Variants in PUDP observed in about 807,000 individuals in gnomAD.
PUDP encodes the protein pseudouridine-5'-phosphatase.
Under a neutral mutation model 9.4 loss-of-function variants are expected in PUDP, and 8 were observed. The observed-to-expected ratio is 0.85, with a 90% CI of 0.50 to 1.53. The LOEUF is 1.53. Among genes scored for constraint, PUDP ranks in the 40% most tolerant of loss-of-function variants. PUDP has a pLI of 0.00. For synonymous variants in PUDP, 99 were observed against 80.7 expected (o/e 1.23, Z -1.22); for missense variants, 188 against 189.7 (o/e 0.99, Z 0.05).
intron 1 of PUDP, among the ~76,000 whole-genome samples, chrX:7,124,732 G>T (rs1259799343): frequency 1.8e-5 from 2 of 111,143 alleles, no homozygotes. Context: ...GGATCACGAG[G>T]TCAGGAGATC....
At chrX:7,114,565 A>T (rs745843386) in intron 1 of PUDP, among the ~76,000 whole-genome samples, 1 of 111,713 alleles carries the variant, frequency 9.0e-6, no homozygotes, top group Non-Finnish European at 1.9e-5. Flanking sequence ...TTTCAACATG[A>T]GTTTCAGAGA....
intron 3 of PUDP, among the ~76,000 whole-genome samples, chrX:6,899,673 A>AGATGAT (rs72211121): frequency 0.016 from 1,707 of 105,333 alleles, 14 homozygotes; most frequent in Admixed American, 0.02. Flanking sequence ...TCTGTGATAG[A>AGATGAT]GATGATGATG....
intron 3 of PUDP, among the ~76,000 whole-genome samples, chrX:6,743,476 C>G (rs1002059680): frequency 8.9e-5 from 10 of 112,050 alleles, no homozygotes; most frequent in African/African-American, 3.3e-4. Context: ...ATTATTAATA[C>G]GTACAACCTG....
chrX:7,114,333 G>A (rs915935748), intron 1 of PUDP, among the ~76,000 whole-genome samples: 5 of 110,861 alleles, frequency 4.5e-5, no homozygotes, highest in African/African-American at 6.6e-5. Context: ...CACCTGCCTC[G>A]GCCTCCCAAA....
chrX:6,919,497 GC>G (rs1380953279), intron 3 of PUDP, among the ~76,000 whole-genome samples: 1 of 110,918 alleles, frequency 9.0e-6, no homozygotes, highest in Admixed American at 9.6e-5. Context: ...ACCCTGAAAA[GC>G]CTCTGGACTT....
intron 3 of PUDP, among the ~76,000 whole-genome samples, chrX:6,955,200 C>T (rs369917826): frequency 1.8e-5 from 2 of 109,581 alleles, no homozygotes; most frequent in South Asian, 7.8e-4. Context: ...GACCTTTGTC[C>T]TCTTTTAACT....
chrX:6,878,033 G>T (rs990520544), intron 3 of PUDP, among the ~76,000 whole-genome samples: 3 of 112,013 alleles, frequency 2.7e-5, no homozygotes, highest in Non-Finnish European at 5.6e-5. Context: ...AGGGAAAAAA[G>T]ACATTTTCTA....
chrX:6,808,073 T>C (rs1292115258), intron 3 of PUDP, among the ~76,000 whole-genome samples: 1 of 110,960 alleles, frequency 9.0e-6, no homozygotes, highest in East Asian at 2.8e-4. Context: ...GCAGAGAAAA[T>C]GATTTTAGAG....
chrX:6,943,100 C>T (rs1160875406), intron 3 of PUDP, among the ~76,000 whole-genome samples: 1 of 112,040 alleles, frequency 8.9e-6, no homozygotes, highest in Non-Finnish European at 1.9e-5. Flanking sequence ...TATCTCTGTG[C>T]ATGGTGAAAG....
Position 6,848,157 on chromosome X carries a change from T to C in PUDP, c.*247+128976A>G, listed in dbSNP as rs372883963. Reference sequence around the variant, plus strand: ...TTTAGAGTCAAGAAAGTGGCTGTTGTCCTGCTGATCAAATTTATAAACATG... The same window carrying C: ...TTTAGAGTCAAGAAAGTGGCTGTTGCCCTGCTGATCAAATTTATAAACATG... On this transcript the variant is annotated intron_variant and NMD_transcript_variant, in intron 3 of 3. Transcript: ENST00000655425. 5.4e-5 allele frequency among the ~76,000 whole-genome samples: 6 copies of C among 111,924 alleles called. No homozygotes were observed. In the Admixed American group the frequency reaches 5.7e-4, roughly 11 times the overall value.
At chrX:6,717,777 G>C (rs1326153516) in intron 1 of PUDP, among the ~76,000 whole-genome samples, 1 of 111,610 alleles carries the variant, frequency 9.0e-6, no homozygotes, top group African/African-American at 3.3e-5. Flanking sequence ...CCTTCCCTGA[G>C]GTCAAAGATT....
intron 3 of PUDP, among the ~76,000 whole-genome samples, chrX:6,894,054 C>T (rs1217541681): frequency 1.8e-5 from 2 of 111,113 alleles, no homozygotes; most frequent in African/African-American, 6.6e-5. Flanking sequence ...TGGATGAGAA[C>T]ACATGGACAC....
intron 1 of PUDP, among the ~76,000 whole-genome samples, chrX:6,999,390 T>C (rs73627521): frequency 8.5e-4 from 95 of 111,696 alleles, no homozygotes; most frequent in African/African-American, 3.0e-3. Flanking sequence ...AATTTAAAAA[T>C]AGGAAATATA....
chrX:7,123,270 T>C (rs1932392868), intron 1 of PUDP, among the ~76,000 whole-genome samples: 1 of 112,184 alleles, frequency 8.9e-6, no homozygotes, highest in Non-Finnish European at 1.9e-5. Context: ...AACATGTAAT[T>C]TGTATGACAA....
intron 3 of PUDP, among the ~76,000 whole-genome samples, chrX:6,736,816 CA>C (rs904460889): frequency 2.7e-5 from 3 of 110,054 alleles, no homozygotes; most frequent in African/African-American, 9.9e-5. Flanking sequence ...CAGATAGACA[CA>C]AAAAAAAGGA....
chrX:6,877,370 TAGAA>T (rs771725317), intron 3 of PUDP, among the ~76,000 whole-genome samples: 1 of 111,730 alleles, frequency 9.0e-6, no homozygotes, highest in Non-Finnish European at 1.9e-5. Context: ...TTTAAAGAAA[TAGAA>T]AGGCTACAAC....
intron 2 of PUDP, among the ~76,000 whole-genome samples, chrX:7,101,976 C>T (rs192367062): frequency 9.0e-6 from 1 of 111,017 alleles, no homozygotes; most frequent in Admixed American, 9.5e-5. Context: ...CAGAGAATCC[C>T]TGATGATTTT....
intron 1 of PUDP, among the ~76,000 whole-genome samples, chrX:7,133,829 T>C (rs1416856481): frequency 8.9e-6 from 1 of 112,150 alleles, no homozygotes; most frequent in African/African-American, 3.2e-5. Context: ...TGTTAATTTC[T>C]TCAGGCTACT....
At chrX:6,983,926 C>T (rs1006861539) in intron 1 of PUDP, among the ~76,000 whole-genome samples, 1 of 112,358 alleles carries the variant, frequency 8.9e-6, no homozygotes, top group African/African-American at 3.2e-5. Context: ...GTAACAGGAC[C>T]GTTGATCCCC....
Sources: gnomAD v4.1 joint callset for allele counts (sites outside exome capture counted in the v4.1 genomes callset) on GRCh38, gnomAD v4.1.1 for gene constraint, MANE v1.5 for transcripts, NCBI Gene and HGNC (gene_info 2026-07-23, HGNC 2026-07-21) for gene names.